Variants in CRYM observed in about 807,000 individuals in gnomAD.
CRYM encodes crystallin mu, also known as ketimine reductase mu-crystallin.
In CRYM, 18 loss-of-function variants were observed where a neutral mutation model predicts 32.9. The observed-to-expected ratio is 0.55, with a 90% CI of 0.38 to 0.81. The LOEUF (loss-of-function observed/expected upper bound fraction) is 0.81, where lower values mean the gene tolerates loss of function less well. Among genes scored for constraint, CRYM ranks in the 30% least tolerant of loss-of-function variants. The pLI is 0.00. For synonymous variants in CRYM, 153 were observed against 152.4 expected (o/e 1.00, Z -0.03); for missense variants, 337 against 393.5 (o/e 0.86, Z 1.21).
intron 1 of CRYM, among the ~76,000 whole-genome samples, chr16:21,291,009 T>G (rs1960638621): frequency 6.6e-6 from 1 of 152,224 alleles, no homozygotes; most frequent in Non-Finnish European, 1.5e-5. Flanking sequence ...ACAAACTATG[T>G]TTCAAGAAAT....
chr16:21,286,384 ATTTT>A (rs894297420), intron 1 of CRYM, among the ~76,000 whole-genome samples: 1 of 140,186 alleles, frequency 7.1e-6, no homozygotes, highest in Admixed American at 7.2e-5. Flanking sequence ...CGCCCAGCTA[ATTTT>A]TTTTTTTTTT....
chr16:21,300,803 A>T (rs1960898509), intron 1 of CRYM: 1 of 152,332 alleles, frequency 6.6e-6, no homozygotes, highest in Admixed American at 6.5e-5. Context: ...TTGGCCTGTG[A>T]TCCAATCAGA....
At chr16:21,265,456 A>G (rs1395894169) in intron 5 of CRYM, among the ~76,000 whole-genome samples, 1 of 151,028 alleles carries the variant, frequency 6.6e-6, no homozygotes, top group Non-Finnish European at 1.5e-5. Flanking sequence ...TCTACCTTCC[A>G]CCTCCACCAC....
At chr16:21,261,222 T>C in intron 7 of CRYM, 32 bp downstream of exon 7, 1 of 1,561,190 alleles carries the variant, frequency 6.4e-7, no homozygotes. Context: ...GTGCGCTAGT[T>C]GGATTTGTGC....
chr16:21,296,125 A>C (rs1288704260), intron 1 of CRYM, among the ~76,000 whole-genome samples: 1 of 152,186 alleles, frequency 6.6e-6, no homozygotes, highest in Admixed American at 6.5e-5. Flanking sequence ...TTTAGTAGAG[A>C]CAGGGTTTCA....
At chr16:21,282,884 A>C (rs2093400547), upstream of CRYM, among the ~76,000 whole-genome samples, 1 of 152,170 alleles carries the variant, frequency 6.6e-6, no homozygotes, top group South Asian at 2.1e-4. Flanking sequence ...ATTATTAATA[A>C]GTAGCATATT....
At chr16:21,282,333 C>T (rs973993431), upstream of CRYM, among the ~76,000 whole-genome samples, 1 of 152,084 alleles carries the variant, frequency 6.6e-6, no homozygotes, top group African/African-American at 2.4e-5. Context: ...AGCATGAAAA[C>T]GGAATAATAC....
intron 6 of CRYM, 121 bp from the exon 7 acceptor site, chr16:21,261,459 A>AT: frequency 1.4e-6 from 1 of 732,122 alleles, no homozygotes; most frequent in African/African-American, 1.8e-5. Context: ...AAAAAAAAAA[A>AT]AAAAAGAGAG....
intron 5 of CRYM, among the ~76,000 whole-genome samples, chr16:21,265,624 C>T (rs1279151907): frequency 6.6e-6 from 1 of 152,194 alleles, no homozygotes; most frequent in Non-Finnish European, 1.5e-5. Flanking sequence ...GCATCCCTGG[C>T]ATCTAGAATA....
chr16:21,297,969 T>C (rs532196360), intron 1 of CRYM, among the ~76,000 whole-genome samples: 7 of 152,260 alleles, frequency 4.6e-5, no homozygotes, highest in South Asian at 4.1e-4. Flanking sequence ...ACTTGGCCTT[T>C]AGCAATGCAT....
chr16:21,283,090 G>A (rs2093401028), upstream of CRYM, among the ~76,000 whole-genome samples: 1 of 152,152 alleles, frequency 6.6e-6, no homozygotes, highest in African/African-American at 2.4e-5. Context: ...GGCCATGTAA[G>A]CTCCTGTGCC....
intron 1 of CRYM, among the ~76,000 whole-genome samples, chr16:21,292,952 A>G (rs771278168): frequency 2.4e-4 from 37 of 152,026 alleles, no homozygotes; most frequent in Non-Finnish European, 3.7e-4. Context: ...AGATAAATGC[A>G]TGGATGGATG....
chr16:21,259,458 G>T (rs755835754), intron 7 of CRYM, among the ~76,000 whole-genome samples: 1 of 152,030 alleles, frequency 6.6e-6, no homozygotes, highest in Non-Finnish European at 1.5e-5. Flanking sequence ...AGGCTTTGTG[G>T]GCCACAGGGT....
At chr16:21,295,954 T>C (rs1960780105) in intron 1 of CRYM, among the ~76,000 whole-genome samples, 1 of 152,088 alleles carries the variant, frequency 6.6e-6, no homozygotes, top group Non-Finnish European at 1.5e-5. Flanking sequence ...AAGAAAGTTA[T>C]TTTGTTGCAC....
At chr16:21,301,897 T>G (rs1347441799) in intron 1 of CRYM, among the ~76,000 whole-genome samples, 1 of 152,168 alleles carries the variant, frequency 6.6e-6, no homozygotes, top group Non-Finnish European at 1.5e-5. Flanking sequence ...GGGTGCGTGC[T>G]AGGGAGTCCT....
upstream of CRYM, among the ~76,000 whole-genome samples, chr16:21,279,837 A>G (rs1417725523): frequency 6.6e-6 from 1 of 152,054 alleles, no homozygotes; most frequent in Admixed American, 6.5e-5. Context: ...GAGAAATTGT[A>G]CATAATGTGT....
At chr16:21,261,130 T>G in intron 7 of CRYM, 124 bp downstream of exon 7, 1 of 793,720 alleles carries the variant, frequency 1.3e-6, no homozygotes, top group East Asian at 2.6e-5. Context: ...TGTAAATAAT[T>G]GACCTGAATG....
Position 21,261,286 on chromosome 16 carries a change from T to G in CRYM, c.848A>C (p.His283Pro). The G allele has an allele frequency of 6.2e-7, 1 of 1,614,082 alleles. No homozygotes were observed. Among genetic ancestry groups the G allele is most frequent in the South Asian group, 1.1e-5 (1 of 91,074 alleles). ...CTTGAACACGGTGGTCTTCTCACAG[T>G]GGGCTGGTTTCACTCCCTTAATCAC... ...GEVIKGVKPA[H>P]CEKTTVFKSL... The change falls in exon 7 of 8, where the codon CAC becomes CCC. Residue 283 changes from histidine (H) to proline (P), a missense_variant. Transcript: ENST00000572914.
At chr16:21,282,346 C>T (rs1384403004), upstream of CRYM, among the ~76,000 whole-genome samples, 1 of 152,118 alleles carries the variant, frequency 6.6e-6, no homozygotes, top group Non-Finnish European at 1.5e-5. Context: ...AATAATACAG[C>T]GTGCTTCCCA....
Sources: gnomAD v4.1 joint callset for allele counts (sites outside exome capture counted in the v4.1 genomes callset) on GRCh38, gnomAD v4.1.1 for gene constraint, MANE v1.5 for transcripts, NCBI Gene and HGNC (gene_info 2026-07-23, HGNC 2026-07-21) for gene names.